PCM1: variants seen among roughly 807,000 people sequenced by gnomAD.
The protein encoded by PCM1 is pericentriolar material 1 protein.
PCM1 carries 157 observed loss-of-function variants against 241.9 expected under a neutral mutation model. The observed-to-expected ratio is 0.65, with a 90% CI of 0.57 to 0.74. PCM1 has a LOEUF of 0.74. Ranked by LOEUF, PCM1 falls within the 30% of genes least tolerant of loss-of-function variation. The pLI is 0.00. For missense variants in PCM1, 3,478 were observed against 2,360.1 expected (o/e 1.47, Z -9.81); for synonymous variants, 1,085 against 784.9 (o/e 1.38, Z -6.39).
At chr8:18,012,483 C>T (rs2092653314) in intron 34 of PCM1, among the ~76,000 whole-genome samples, 1 of 152,100 alleles carries the variant, frequency 6.6e-6, no homozygotes, top group Non-Finnish European at 1.5e-5. Context: ...AGGGGAAAAA[C>T]AGTATAAATG....
chr8:17,951,933 T>G (rs1563842445), intron 8 of PCM1, among the ~76,000 whole-genome samples: 1 of 151,810 alleles, frequency 6.6e-6, no homozygotes, highest in African/African-American at 2.4e-5. Flanking sequence ...AAAAAAAATT[T>G]AAAAAAAGGC....
rs1205060191 is a variant in PCM1 at position 17,966,082 on chromosome 8, G to A, written c.2939G>A (p.Arg980Gln). Residue 980 changes from arginine to glutamine, a missense_variant, in exon 19 of 39, where the codon CGG becomes CAG. Physicochemically the swap from Arg to Gln is conservative, Grantham distance 43. Coordinates refer to ENST00000325083, the MANE Select transcript of PCM1 (RefSeq NM_006197.4). ...AGGCAACAGAATATCAGCATGCAAC[G>A]GCAAGAAAACCTTCGTTGGGTGTCA... ...KTRQQNISMQ[R>Q]QENLRWVSEL... 17 of 1,613,696 alleles carry A rather than the reference G, an allele frequency of 1.1e-5. No individual in the cohort carries two copies. Among genetic ancestry groups the A allele is most frequent in the South Asian group, 2.2e-5 (2 of 91,076 alleles).
Position 18,011,268 on chromosome 8 carries a change from C to T in PCM1, c.5252C>T (p.Thr1751Ile). The change falls in exon 33 of 39, where the codon ACT (threonine) becomes ATT (isoleucine). Residue 1751 changes from threonine (T) to isoleucine (I), a missense_variant. Physicochemically the swap from Thr to Ile is moderately conservative, Grantham distance 89 (BLOSUM62 -1). Transcript: ENST00000325083. The stretch of plus-strand genomic sequence containing the variant: ...GATGAAACTGAAACAGTTAAGCAGA[C>T]TCAAACATCTGAGGTGTATGATGGT... ...DKDETETVKQ[T>I]QTSEVYDGPK... is the part of the protein sequence containing the mutation. 1.2e-6 allele frequency: 2 copies of T among 1,606,050 alleles called. No individual in the cohort carries two copies. Among genetic ancestry groups the T allele is most frequent in the East Asian group, 2.2e-5 (1 of 44,680 alleles).
intron 35 of PCM1, among the ~76,000 whole-genome samples, chr8:18,014,319 A>AT (rs2092901471): frequency 6.6e-6 from 1 of 151,480 alleles, no homozygotes; most frequent in African/African-American, 2.4e-5. Context: ...TTTAAAAAAA[A>AT]AATCTATTTG....
In PCM1 at chr8:17,938,950, C is replaced by A. The variant is rs183051882; in HGVS notation, c.553C>A (p.Gln185Lys). ...TTCTGCTTTAAGTAATGACCTCTTGCAAAACTGTCAGGTGTCTGAAGAAGA... is the reference window on the plus strand; with the variant it reads ...TTCTGCTTTAAGTAATGACCTCTTGAAAAACTGTCAGGTGTCTGAAGAAGA... ...FASALSNDLL[Q>K]NCQVSEEDGR... The change falls in exon 5 of 39, where the codon CAA (glutamine) becomes AAA (lysine). Residue 185 changes from glutamine (Q) to lysine (K), a missense_variant. Physicochemically the swap from Gln to Lys is moderately conservative, Grantham distance 53 (BLOSUM62 1). Coordinates refer to ENST00000325083, the MANE Select transcript of PCM1 (RefSeq NM_006197.4). 1.2e-6 allele frequency: 2 copies of A among 1,613,700 alleles called. No individual in the cohort carries two copies. The highest frequency in any genetic ancestry group is 1.1e-5 in the South Asian group (1 of 91,080).
chr8:17,925,838 A>G (rs2056737142), intron 2 of PCM1: 1 of 152,086 alleles, frequency 6.6e-6, no homozygotes, highest in South Asian at 2.1e-4. Context: ...CTCCGTCTCA[A>G]AAAAAAAGAA....
Position 17,966,481 on chromosome 8 carries a change from G to A in PCM1, c.3221+8G>A. On this transcript the variant is annotated splice_region_variant and intron_variant, in intron 20 of 38. Transcript: ENST00000325083. The stretch of plus-strand genomic sequence containing the variant: ...ACAGAATAATGTTCAGAGGTAATCT[G>A]TTTCTTAGAAGTATTGAGACTGTAT... 1.2e-6 allele frequency: 2 copies of A among 1,612,824 alleles called. No individual in the cohort carries two copies. The highest frequency in any genetic ancestry group is 1.7e-5 in the Admixed American group (1 of 59,998).
At chr8:17,924,939 G>A (rs188800377) in intron 2 of PCM1, 159 bp downstream of exon 2, 10 of 152,318 alleles carry the variant, frequency 6.6e-5, no homozygotes, top group African/African-American at 2.4e-4. Context: ...GCTTTTCGGC[G>A]TGCTGCTTTG....
intron 29 of PCM1, among the ~76,000 whole-genome samples, chr8:17,998,065 T>C (rs983116342): frequency 7.2e-5 from 11 of 151,888 alleles, no homozygotes; most frequent in Admixed American, 1.3e-4. Flanking sequence ...CTGAATTCCC[T>C]TCCTGTGTTA....
At chr8:17,953,631 TTAGTC>T (rs2066901081) in intron 9 of PCM1, among the ~76,000 whole-genome samples, 2 of 152,230 alleles carry the variant, frequency 1.3e-5, no homozygotes, top group Non-Finnish European at 2.9e-5. Context: ...TATATATGGT[TTAGTC>T]TAGAGAGCCC....
At chr8:17,967,818 G>A (rs208053) in intron 21 of PCM1, among the ~76,000 whole-genome samples, 119,229 of 152,072 alleles carry the variant, frequency 0.78, 47,376 homozygotes, top group African/African-American at 0.87. Context: ...TTAGGGGGAT[G>A]CTAATAGACT....
At chr8:17,969,130 A>T (rs929947136) in intron 21 of PCM1, among the ~76,000 whole-genome samples, 1 of 152,184 alleles carries the variant, frequency 6.6e-6, no homozygotes, top group African/African-American at 2.4e-5. Context: ...GAGTAGAAAC[A>T]ACATAAGCGT....
intron 2 of PCM1, chr8:17,927,950 A>G (rs950752537): frequency 6.6e-6 from 1 of 151,646 alleles, no homozygotes; most frequent in African/African-American, 2.4e-5. Context: ...AAAAAAAAAA[A>G]AAAACCACTA....
At chr8:18,016,181 C>G (rs1370373590) in intron 36 of PCM1, among the ~76,000 whole-genome samples, 3 of 152,178 alleles carry the variant, frequency 2.0e-5, no homozygotes, top group African/African-American at 7.2e-5. Context: ...AGCCACCGCA[C>G]CCAGCTGGGT....
At position 18,009,676 on chromosome 8, in the gene PCM1, A is replaced by G. The variant is rs34243861; in HGVS notation, c.5092A>G (p.Ile1698Val). 7 of 1,569,172 alleles carry G rather than the reference A, an allele frequency of 4.5e-6. No homozygotes were observed. Among genetic ancestry groups the G allele is most frequent in the Middle Eastern group, 3.4e-4 (2 of 5,930 alleles). ...TATGCAAGATTTGGATAATAATAGT[A>G]TAACTGTTAAACAGAGATGCAAAAG... ...KLMQDLDNNSITVKQRCKRKI... is the reference protein window; with the variant it reads ...KLMQDLDNNSVTVKQRCKRKI... The change falls in exon 31 of 39, where the codon ATA (isoleucine) becomes GTA (valine). Residue 1698 changes from isoleucine to valine, a missense_variant. Coordinates refer to ENST00000325083, the MANE Select transcript of PCM1 (RefSeq NM_006197.4).
chr8:17,996,005 T>C (rs999357975), intron 29 of PCM1, among the ~76,000 whole-genome samples: 4 of 152,196 alleles, frequency 2.6e-5, no homozygotes, highest in African/African-American at 9.7e-5. Flanking sequence ...ATTCTTCCTT[T>C]CCAGTTTGGA....
chr8:17,956,878 T>A, intron 11 of PCM1, 101 bp downstream of exon 11: 1 of 949,442 alleles, frequency 1.1e-6, no homozygotes, highest in Non-Finnish European at 1.6e-6. Flanking sequence ...ACTATTTGCC[T>A]TTTATTTAAG....
intron 16 of PCM1, 62 bp downstream of exon 16, chr8:17,962,236 A>C: frequency 7.1e-7 from 1 of 1,399,800 alleles, no homozygotes; most frequent in South Asian, 1.3e-5. Context: ...TTTTTTCTTC[A>C]ATAAGGCACA....
At chr8:17,933,363 T>C (rs1282687058) in intron 2 of PCM1, among the ~76,000 whole-genome samples, 1 of 152,224 alleles carries the variant, frequency 6.6e-6, no homozygotes, top group African/African-American at 2.4e-5. Context: ...CTGACCTCTG[T>C]TGCTATCCTT....
Sources: gnomAD v4.1 joint callset for allele counts (sites outside exome capture counted in the v4.1 genomes callset) on GRCh38, gnomAD v4.1.1 for gene constraint, MANE v1.5 for transcripts, NCBI Gene and HGNC (gene_info 2026-07-23, HGNC 2026-07-21) for gene names.